The following ELP1 variants were observed in gnomAD, a reference collection of about 807,000 sequenced individuals.
The protein encoded by ELP1 is elongator complex protein 1.
Under a neutral mutation model 183.2 loss-of-function variants are expected in ELP1, and 131 were observed. That is an observed-to-expected ratio of 0.72 (90% CI 0.62 to 0.83). ELP1 has a LOEUF of 0.83. Ranked by LOEUF, ELP1 falls within the 40% of genes least tolerant of loss-of-function variation. The pLI is 0.00. For synonymous variants in ELP1, 555 were observed against 569.0 expected (o/e 0.98, Z 0.35); for missense variants, 1,550 against 1,594.9 (o/e 0.97, Z 0.48).
At position 108,898,749 on chromosome 9, in the gene ELP1, T is replaced by C; in HGVS notation, c.2205A>G (p.Lys735=). Residue 735 remains lysine (K), a splice_region_variant and synonymous_variant, in exon 21 of 37, where the codon AAA becomes AAG. Coordinates refer to ENST00000374647, the MANE Select transcript of ELP1 (RefSeq NM_003640.5). ...ATTCAAATGCCTCTTTAAACATAAG[T>C]CTGTGAGAAGACAGAGAAAGAATAG... ...VLAQIRKWLD[K]LMFKEAFECM... is the part of the protein sequence containing the mutation. 2 of 1,603,414 alleles carry C rather than the reference T, an allele frequency of 1.2e-6. No individual in the cohort carries two copies. Among genetic ancestry groups the C allele is most frequent in the Non-Finnish European group, 8.5e-7 (1 of 1,171,480 alleles).
At chr9:108,897,558 C>T (rs556375208) in intron 22 of ELP1, among the ~76,000 whole-genome samples, 18 of 152,240 alleles carry the variant, frequency 1.2e-4, no homozygotes, top group Middle Eastern at 6.8e-3. Context: ...ATTTACACAA[C>T]GGCATACTAC....
intron 29 of ELP1, among the ~76,000 whole-genome samples, chr9:108,888,706 TTAA>T (rs984706106): frequency 4.1e-4 from 63 of 152,302 alleles, no homozygotes; most frequent in African/African-American, 1.2e-3. Flanking sequence ...TAAAGCACAA[TTAA>T]GTTACATAAA....
Position 108,896,963 on chromosome 9 carries a change from G to C in ELP1, c.2577C>G (p.His859Gln). Residue 859 changes from histidine to glutamine, a missense_variant, in exon 24 of 37, where the codon CAC (histidine) becomes CAG (glutamine). Transcript: ENST00000374647. ...PELEIVLQKV[H>Q]ELQGNAPSDP... ...TGAGCGGATCTCTACCTTGAAGCTC[G>C]TGTACTTTTTGCAGTACAATTTCCA... is the stretch of plus-strand genomic sequence containing the variant. 1 of 1,613,446 alleles carries C rather than the reference G, an allele frequency of 6.2e-7. No homozygotes were observed. The highest frequency in any genetic ancestry group is 1.1e-5 in the South Asian group (1 of 91,064).
chr9:108,917,712 TA>T, intron 8 of ELP1, 42 bp from the exon 9 acceptor site: 3 of 1,609,252 alleles, frequency 1.9e-6, no homozygotes, highest in Non-Finnish European at 2.6e-6. Context: ...AAAGCTCACC[TA>T]ACTAAAGAAT....
Position 108,878,605 on chromosome 9 carries a change from T to C in ELP1, c.3700+18A>G, listed in dbSNP as rs1827788800. 2.5e-6 allele frequency: 4 copies of C among 1,614,174 alleles called. No homozygotes were observed. Among genetic ancestry groups the C allele is most frequent in the Non-Finnish European group, 3.4e-6 (4 of 1,180,008 alleles). On this transcript the variant is annotated intron_variant, in intron 34 of 36. Coordinates refer to ENST00000374647, the MANE Select transcript of ELP1 (RefSeq NM_003640.5). ...TATTGTTTGTGGTCAGGAATCATCA[T>C]CAGGACTGAGAATATACCTTTCAGG...
chr9:108,876,434 T>C (rs1316850441), intron 35 of ELP1, among the ~76,000 whole-genome samples: 2 of 152,222 alleles, frequency 1.3e-5, no homozygotes, highest in Non-Finnish European at 2.9e-5. Context: ...ACACACCCTC[T>C]TATTTAACCT....
rs149663303 is a variant in ELP1, at chr9:108,882,721, T to C, written c.3223-534A>G. 5.3e-5 allele frequency among the ~76,000 whole-genome samples: 8 copies of C among 151,850 alleles called. No individual in the cohort carries two copies. In the East Asian group the frequency reaches 1.6e-3, roughly 30 times the overall value. ...GTGATCCTCCTGCCTCGGTCTCCCA[T>C]GTAGCTGGGACTACAGGAATATGCC... On this transcript the variant is annotated intron_variant, in intron 29 of 36. Coordinates refer to ENST00000374647, the MANE Select transcript of ELP1 (RefSeq NM_003640.5).
intron 27 of ELP1, 34 bp from the exon 28 acceptor site, chr9:108,891,438 A>T: frequency 6.3e-7 from 1 of 1,585,964 alleles, no homozygotes; most frequent in Non-Finnish European, 8.6e-7. Context: ...CTGAGGAGGA[A>T]ATATGACAAT....
At chr9:108,897,738 T>C (rs1828613126) in intron 22 of ELP1, among the ~76,000 whole-genome samples, 1 of 152,110 alleles carries the variant, frequency 6.6e-6, no homozygotes, top group South Asian at 2.1e-4. Flanking sequence ...TTCAGAAGAG[T>C]AGTTGCCTGG....
chr9:108,878,171 G>C (rs1827774194), intron 34 of ELP1, 22 bp from the exon 35 acceptor site: 2 of 1,594,692 alleles, frequency 1.3e-6, no homozygotes, highest in Non-Finnish European at 1.7e-6. Context: ...AAATTTGAAA[G>C]AGTGGTAAGT....
chr9:108,891,832 A>T (rs1828348723), intron 27 of ELP1, among the ~76,000 whole-genome samples: 1 of 152,132 alleles, frequency 6.6e-6, no homozygotes. Context: ...GTGAGCTCTA[A>T]TGGCTGTCAG....
intron 35 of ELP1, among the ~76,000 whole-genome samples, 185 bp downstream of exon 35, chr9:108,877,809 AG>A (rs1272248338): frequency 1.2e-4 from 19 of 152,352 alleles, no homozygotes; most frequent in Admixed American, 1.0e-3. Flanking sequence ...ACCTATGCCA[AG>A]GTATACTAGT....
intron 19 of ELP1, 59 bp from the exon 20 acceptor site, chr9:108,899,954 G>C: frequency 2.2e-6 from 3 of 1,351,308 alleles, no homozygotes; most frequent in Non-Finnish European, 3.2e-6. Flanking sequence ...AAATAGCCAG[G>C]ATACACCATT....
chr9:108,908,440 T>C, intron 12 of ELP1, 36 bp from the exon 13 acceptor site: 1 of 1,491,032 alleles, frequency 6.7e-7, no homozygotes, highest in Non-Finnish European at 9.4e-7. Context: ...TCATCGTAAA[T>C]TATAAGATTT....
intron 14 of ELP1, among the ~76,000 whole-genome samples, 153 bp from the exon 15 acceptor site, chr9:108,903,822 TATAC>T (rs1465827313): frequency 7.3e-5 from 4 of 55,152 alleles, no homozygotes; most frequent in Non-Finnish European, 1.2e-4. Context: ...CACCCAATAC[TATAC>T]ACACACACAC....
chr9:108,929,642 A>C, intron 3 of ELP1, 127 bp downstream of exon 3: 1 of 947,130 alleles, frequency 1.1e-6, no homozygotes, highest in Non-Finnish European at 1.7e-6. Context: ...ATAAAGAAAT[A>C]TATAATGCAA....
Position 108,900,363 on chromosome 9 carries a change from C to G in ELP1, c.2027G>C (p.Gly676Ala). The change falls in exon 19 of 37, where the codon GGC (glycine) becomes GCC (alanine). Residue 676 changes from glycine to alanine, a missense_variant. Physicochemically the swap from Gly to Ala is moderately conservative, Grantham distance 60. Transcript: ENST00000374647. ...ATGGGACACATGATTGCTGCTCAGGCCGGCCTGTAATGCTAAACACACCAT... is the reference window on the plus strand; with the variant it reads ...ATGGGACACATGATTGCTGCTCAGGGCGGCCTGTAATGCTAAACACACCAT... ...RDASFKTLQA[G>A]LSSNHVSHGE... 1 of 1,613,994 alleles carries G rather than the reference C, an allele frequency of 6.2e-7. No individual in the cohort carries two copies. The highest frequency in any genetic ancestry group is 8.5e-7 in the Non-Finnish European group (1 of 1,179,816).
chr9:108,912,415 A>T lies in ELP1; in HGVS notation c.1038T>A (p.Ile346=). The T allele has an allele frequency of 2.5e-6, 4 of 1,614,078 alleles. No individual in the cohort carries two copies. The highest frequency in any genetic ancestry group is 3.4e-6 in the Non-Finnish European group (4 of 1,179,978). The change falls in exon 11 of 37, where the codon ATT becomes ATA. Residue 346 remains isoleucine (I), a synonymous_variant. Transcript: ENST00000374647. Reference sequence around the variant, plus strand: ...TCACAGGGTCCCACATCAGAGACACAATCTTGCTCTTCCCACAGGTGCTGA... The same window carrying T: ...TCACAGGGTCCCACATCAGAGACACTATCTTGCTCTTCCCACAGGTGCTGA... ...LSFSTCGKSK[I]VSLMWDPVTP... is the part of the protein sequence containing the mutation.
chr9:108,918,850 C>G lies in ELP1; in HGVS notation c.701G>C (p.Ser234Thr). ...TGGTCCCAGTCCTGCCACAGGCTCACTGGTTGACTGCAAAGCAAACTCTCG... is the reference window on the plus strand; with the variant it reads ...TGGTCCCAGTCCTGCCACAGGCTCAGTGGTTGACTGCAAAGCAAACTCTCG... ...WNREFALQST[S>T]EPVAGLGPAL... The change falls in exon 8 of 37, where the codon AGT (serine) becomes ACT (threonine). Residue 234 changes from serine (S) to threonine (T), a missense_variant. By Grantham distance (58) the Ser-to-Thr change is moderately conservative. Coordinates refer to ENST00000374647, the MANE Select transcript of ELP1 (RefSeq NM_003640.5). 6.2e-7 allele frequency: 1 copy of G among 1,614,180 alleles called. No individual in the cohort carries two copies. The highest frequency in any genetic ancestry group is 1.3e-5 in the African/African-American group (1 of 75,034).
Sources: allele counts gnomAD v4.1 joint callset (sites outside exome capture counted in the v4.1 genomes callset), GRCh38; gene constraint gnomAD v4.1.1; transcripts MANE v1.5; gene names NCBI Gene and HGNC (gene_info 2026-07-23, HGNC 2026-07-21).